Variants in MTA3 observed in about 807,000 individuals in gnomAD.
MTA3 encodes metastasis associated 1 family member 3.
Under a neutral mutation model 83.5 loss-of-function variants are expected in MTA3, and 34 were observed. The observed-to-expected ratio is 0.41, with a 90% CI of 0.31 to 0.54. The LOEUF is 0.54. MTA3 is among the 20% of genes least tolerant of loss of function. MTA3 has a pLI of 0.33. For synonymous variants in MTA3, 303 were observed against 252.7 expected, an observed-to-expected ratio of 1.20 and a Z score of -1.89; for missense variants, 761 against 726.4, an observed-to-expected ratio of 1.05 and a Z score of -0.55.
chr2:42,716,232 A>C (rs1667020405), intron 14 of MTA3, among the ~76,000 whole-genome samples: 1 of 152,242 alleles, frequency 6.6e-6, no homozygotes, highest in Admixed American at 6.5e-5. Flanking sequence ...TGGTTGCATA[A>C]TAATTAGCCA....
At chr2:42,675,397 G>A (rs1259759885) in intron 8 of MTA3, among the ~76,000 whole-genome samples, 1 of 152,144 alleles carries the variant, frequency 6.6e-6, no homozygotes, top group Non-Finnish European at 1.5e-5. Flanking sequence ...GCCTCCTAAA[G>A]TGCAGGGATT....
At chr2:42,632,722 C>A (rs1009944594) in intron 4 of MTA3, among the ~76,000 whole-genome samples, 2 of 152,102 alleles carry the variant, frequency 1.3e-5, no homozygotes, top group African/African-American at 4.8e-5. Flanking sequence ...ATTTGTCAGT[C>A]ATTTTTCTTC....
chr2:42,546,034 C>G (rs985230374), intron 2 of MTA3, among the ~76,000 whole-genome samples: 1 of 152,172 alleles, frequency 6.6e-6, no homozygotes, highest in African/African-American at 2.4e-5. Flanking sequence ...AGCAGCTTCC[C>G]TAAGCCACTC....
At chr2:42,534,554 G>A (rs1476878896) in intron 2 of MTA3, among the ~76,000 whole-genome samples, 1 of 151,976 alleles carries the variant, frequency 6.6e-6, no homozygotes, top group Non-Finnish European at 1.5e-5. Context: ...CCAAGATCGA[G>A]CCACCGCACT....
At chr2:42,709,996 C>T (rs1666462385) in intron 14 of MTA3, among the ~76,000 whole-genome samples, 1 of 152,164 alleles carries the variant, frequency 6.6e-6, no homozygotes, top group Non-Finnish European at 1.5e-5. Flanking sequence ...GAGTCACATT[C>T]CAGGCTAGCA....
chr2:42,660,008 G>A (rs1689524210), intron 8 of MTA3, 146 bp downstream of exon 8: 2 of 452,620 alleles, frequency 4.4e-6, no homozygotes, highest in South Asian at 8.4e-5. Flanking sequence ...TTACTTGGTT[G>A]ACTGGGTTAT....
At chr2:42,723,616 A>G (rs1667591150) in intron 16 of MTA3, among the ~76,000 whole-genome samples, 1 of 152,212 alleles carries the variant, frequency 6.6e-6, no homozygotes, top group African/African-American at 2.4e-5. Flanking sequence ...TGGCCATGTA[A>G]TGACTCTCCA....
At chr2:42,623,530 A>G (rs941811878) in intron 4 of MTA3, among the ~76,000 whole-genome samples, 1 of 152,140 alleles carries the variant, frequency 6.6e-6, no homozygotes, top group Non-Finnish European at 1.5e-5. Flanking sequence ...ACAGGTGGCC[A>G]CAGCAGGGGA....
At chr2:42,582,574 G>A (rs1573053168) in intron 3 of MTA3, among the ~76,000 whole-genome samples, 2 of 152,054 alleles carry the variant, frequency 1.3e-5, no homozygotes, top group African/African-American at 4.8e-5. Flanking sequence ...GATTGCTTGA[G>A]GGTAGGAGTT....
intron 2 of MTA3, among the ~76,000 whole-genome samples, chr2:42,535,185 G>C (rs998160898): frequency 6.6e-6 from 1 of 151,844 alleles, no homozygotes; most frequent in Non-Finnish European, 1.5e-5. Flanking sequence ...TCAGGAGTTC[G>C]AGACCAGCCT....
At chr2:42,531,848 C>CAA in intron 2 of MTA3, among the ~76,000 whole-genome samples, 1 of 151,892 alleles carries the variant, frequency 6.6e-6, no homozygotes, top group Non-Finnish European at 1.5e-5. Flanking sequence ...GCTCCGCCTC[C>CAA]TGGGTTCACG....
At chr2:42,603,853 C>A (rs1169018568) in intron 3 of MTA3, among the ~76,000 whole-genome samples, 1 of 152,052 alleles carries the variant, frequency 6.6e-6, no homozygotes, top group Non-Finnish European at 1.5e-5. Context: ...CGGCTTCACG[C>A]CATTCTCCTG....
At position 42,657,341 on chromosome 2, in the gene MTA3, TCCAGAGC is replaced by T. The variant is rs1165856730; in HGVS notation, c.602+1043_602+1049del. Among the ~76,000 whole-genome samples, 5 of 152,084 alleles carry T rather than the reference TCCAGAGC, an allele frequency of 3.3e-5. No homozygotes were observed. The South Asian group carries it at 1.0e-3, about 32-fold the overall frequency. ...TTTATTGGTGGCCAGGCATTTGGAG[TCCAGAGC>T]CCATCACCTAACTACTAAGTGACTG... On this transcript the variant is annotated intron_variant, in intron 7 of 16. Coordinates refer to ENST00000405094, the MANE Select transcript of MTA3 (RefSeq NM_001330442.2).
chr2:42,625,445 GTTTTAAAAT>G lies in MTA3; in HGVS notation c.318-14725_318-14717del, dbSNP rs1286813812. Among the ~76,000 whole-genome samples, 12 of 151,018 alleles carry G rather than the reference GTTTTAAAAT, an allele frequency of 7.9e-5. No individual in the cohort carries two copies. The South Asian group carries it at 1.3e-3, about 16-fold the overall frequency. ...GTGATATTTTAATTTTGCCAATCATGTTTTAAAATTTGTTTTATGGGCCGGGCACAGTGG... is the reference window on the plus strand; with the variant it reads ...GTGATATTTTAATTTTGCCAATCATGTTGTTTTATGGGCCGGGCACAGTGG... On this transcript the variant is annotated intron_variant, in intron 4 of 16. Transcript: ENST00000405094.
At chr2:42,744,635 A>G (rs536583984) in intron 16 of MTA3, among the ~76,000 whole-genome samples, 3 of 152,074 alleles carry the variant, frequency 2.0e-5, no homozygotes, top group African/African-American at 4.8e-5. Context: ...GGTCTCTCAC[A>G]TGTTTTGGGA....
At chr2:42,590,462 A>G (rs1680833634) in intron 3 of MTA3, among the ~76,000 whole-genome samples, 1 of 152,118 alleles carries the variant, frequency 6.6e-6, no homozygotes, top group Admixed American at 6.6e-5. Flanking sequence ...TGATTCCTTC[A>G]TCAGATGCAG....
intron 2 of MTA3, among the ~76,000 whole-genome samples, chr2:42,539,402 T>C (rs1451576722): frequency 6.6e-6 from 1 of 151,894 alleles, no homozygotes; most frequent in African/African-American, 2.4e-5. Context: ...AAGCCCCTTA[T>C]AAAATCATCA....
intron 3 of MTA3, among the ~76,000 whole-genome samples, chr2:42,595,389 C>A (rs1320983744): frequency 6.6e-6 from 1 of 151,988 alleles, no homozygotes; most frequent in African/African-American, 2.4e-5. Context: ...GGATTACAGA[C>A]GTGAGCCACT....
chr2:42,578,653 C>G (rs1679302126), intron 2 of MTA3, among the ~76,000 whole-genome samples: 1 of 152,192 alleles, frequency 6.6e-6, no homozygotes, highest in South Asian at 2.1e-4. Context: ...TGATTTTACA[C>G]TTAGCTAGTG....
Sources: allele counts gnomAD v4.1 joint callset (sites outside exome capture counted in the v4.1 genomes callset), GRCh38; gene constraint gnomAD v4.1.1; transcripts MANE v1.5; gene names NCBI Gene and HGNC (gene_info 2026-07-23, HGNC 2026-07-21).